The following CCNB2 variants were observed in gnomAD, a reference collection of about 807,000 sequenced individuals.
CCNB2 encodes cyclin B2.
A neutral mutation model predicts 51.1 loss-of-function variants in CCNB2; 39 were observed. The ratio of observed to expected loss-of-function variants is 0.76; its 90% CI spans 0.59 to 1.00. The LOEUF is 1.00. Among genes scored for constraint, CCNB2 ranks in the 50% least tolerant of loss-of-function variants. The probability of loss-of-function intolerance (pLI) is 0.00; values close to 1 mark genes in which losing one functional copy is unlikely to be tolerated. For missense variants in CCNB2, 472 were observed against 470.3 expected, an observed-to-expected ratio of 1.00 and a Z score of -0.03; for synonymous variants, 174 against 165.5, an observed-to-expected ratio of 1.05 and a Z score of -0.40.
chr15:59,122,241 C>CTTTTTTTTT (rs1162917277), intron 7 of CCNB2, among the ~76,000 whole-genome samples: 1,080 of 72,984 alleles, frequency 0.015, 195 homozygotes, highest in East Asian at 0.02. Flanking sequence ...GTTGACATAT[C>CTTTTTTTTT]TTTTTTTTTT....
rs1352386550 is a variant in CCNB2 at position 59,112,490 on chromosome 15, G to C, written c.268-1954G>C. Among the ~76,000 whole-genome samples, 11 of 151,920 alleles carry C rather than the reference G, an allele frequency of 7.2e-5. No homozygotes were observed. The South Asian group carries it at 2.1e-3, about 29-fold the overall frequency. The stretch of plus-strand genomic sequence containing the variant: ...CTCCTGAGTAGCTGGGATTACAGGT[G>C]TGTGACACCACAGGCCCAGCTAATT... On this transcript the variant is annotated intron_variant, in intron 3 of 8. Coordinates refer to ENST00000288207, the MANE Select transcript of CCNB2 (RefSeq NM_004701.4).
At chr15:59,121,887 G>C (rs2079303233) in intron 7 of CCNB2, among the ~76,000 whole-genome samples, 1 of 129,152 alleles carries the variant, frequency 7.7e-6, no homozygotes, top group Non-Finnish European at 1.5e-5. Context: ...AGCAGACATT[G>C]CACCACTGCA....
At chr15:59,109,438 T>C (rs2079249343) in intron 3 of CCNB2, among the ~76,000 whole-genome samples, 2 of 152,358 alleles carry the variant, frequency 1.3e-5, no homozygotes, top group South Asian at 2.1e-4. Flanking sequence ...TGAGTGTCTC[T>C]TATAGAGTAG....
intron 7 of CCNB2, among the ~76,000 whole-genome samples, chr15:59,122,999 A>G (rs1250592414): frequency 6.6e-6 from 1 of 152,220 alleles, no homozygotes; most frequent in Non-Finnish European, 1.5e-5. Flanking sequence ...CAAGAGAATC[A>G]TAGGTAGTCC....
chr15:59,122,053 G>A (rs1442603233), intron 7 of CCNB2, among the ~76,000 whole-genome samples: 2 of 148,822 alleles, frequency 1.3e-5, no homozygotes, highest in South Asian at 2.1e-4. Context: ...AGGATGTCAC[G>A]GCTGCAGTGA....
In CCNB2 at chr15:59,107,302, C is replaced by CTTTTTT; in HGVS notation, c.25-9_25-4dup. 4 of 1,387,932 alleles carry CTTTTTT rather than the reference C, an allele frequency of 2.9e-6. No individual in the cohort carries two copies. The highest frequency in any genetic ancestry group is 2.4e-5 in the Admixed American group (1 of 41,736). 86.0% of individuals were successfully genotyped at this position (1,387,932 alleles called of 1,614,324 possible). ...TTCAAATTCTTTCAAGGTTTCATTA[C>CTTTTTT]TTTTTTTTTTTTTTTTCAGGTGTCC... On this transcript the variant is annotated intron_variant, in intron 1 of 8. Coordinates refer to ENST00000288207, the MANE Select transcript of CCNB2 (RefSeq NM_004701.4).
At position 59,123,627 on chromosome 15, in the gene CCNB2, C is replaced by T. The variant is rs1204679245; in HGVS notation, c.1086C>T (p.Ile362=). Residue 362 remains isoleucine, a splice_region_variant and synonymous_variant, in exon 8 of 9, where the codon ATC becomes ATT. Transcript: ENST00000288207. Reference sequence around the variant, plus strand: ...TAAATGAAAACTTAACTAAATTCATCGTAAGTACTACTGTTTTCTTAAGCT... The same window carrying T: ...TAAATGAAAACTTAACTAAATTCATTGTAAGTACTACTGTTTTCTTAAGCT... ...VKVNENLTKF[I]AIKNKYASSK... 14 of 1,561,238 alleles carry T rather than the reference C, an allele frequency of 9.0e-6. No homozygotes were observed. The highest frequency in any genetic ancestry group is 1.7e-5 in the Admixed American group (1 of 57,740).
At chr15:59,117,029 G>C (rs2079282132) in intron 6 of CCNB2, 103 bp downstream of exon 6, 1 of 1,075,210 alleles carries the variant, frequency 9.3e-7, no homozygotes, top group Non-Finnish European at 1.4e-6. Flanking sequence ...GCTTCCTTTA[G>C]GTAAGTCTTA....
Position 59,116,806 on chromosome 15 carries a change from C to T in CCNB2, c.714C>T (p.Asp238=). Residue 238 remains aspartate (D), a synonymous_variant, in exon 6 of 9, where the codon GAC becomes GAT. Coordinates refer to ENST00000288207, the MANE Select transcript of CCNB2 (RefSeq NM_004701.4). ...PNIEDFVYIT[D]NAYTSSQIRE... ...TTGAAGACTTTGTTTACATCACAGA[C>T]AATGCTTATACCAGTTCCCAAATCC... 1 of 1,613,944 alleles carries T rather than the reference C, an allele frequency of 6.2e-7. No individual in the cohort carries two copies. The highest frequency in any genetic ancestry group is 8.5e-7 in the Non-Finnish European group (1 of 1,179,798).
At chr15:59,112,420 C>G (rs531129310) in intron 3 of CCNB2, among the ~76,000 whole-genome samples, 2 of 151,902 alleles carry the variant, frequency 1.3e-5, no homozygotes, top group South Asian at 2.1e-4. Context: ...TCTCCGCTCA[C>G]TGCAACCTCT....
chr15:59,107,302 CTTTTT>C lies in CCNB2; in HGVS notation c.25-8_25-4del, dbSNP rs11293095. ...TTCAAATTCTTTCAAGGTTTCATTA[CTTTTT>C]TTTTTTTTTTTCAGGTGTCCAGTGA... On this transcript the variant is annotated splice_polypyrimidine_tract_variant and intron_variant, in intron 1 of 8. Coordinates refer to ENST00000288207, the MANE Select transcript of CCNB2 (RefSeq NM_004701.4). The C allele has an allele frequency of 9.4e-6, 13 of 1,388,132 alleles. No individual in the cohort carries two copies. The highest frequency in any genetic ancestry group is 4.8e-5 in the Admixed American group (2 of 41,746). 86.0% of individuals were successfully genotyped at this position (1,388,132 alleles called of 1,614,324 possible). A position where few individuals can be genotyped will look rare whatever the true frequency, so the allele number is the denominator to read the frequency against.
At chr15:59,107,822 C>G in intron 3 of CCNB2, 152 bp downstream of exon 3, 2 of 623,482 alleles carry the variant, frequency 3.2e-6, no homozygotes, top group Non-Finnish European at 5.6e-6. Context: ...AGTATATACA[C>G]CTTTTAACTT....
chr15:59,106,733 A>C (rs28383498), intron 1 of CCNB2, among the ~76,000 whole-genome samples: 2,489 of 152,306 alleles, frequency 0.016, 80 homozygotes, highest in African/African-American at 0.056. Flanking sequence ...AATATAAGAG[A>C]AAATCCATTC....
chr15:59,123,184 CTTTGT>C (rs1293734719), intron 7 of CCNB2, among the ~76,000 whole-genome samples: 5 of 152,276 alleles, frequency 3.3e-5, no homozygotes, highest in Admixed American at 6.5e-5. Flanking sequence ...TAAAGGGGCA[CTTTGT>C]TTTAAGTGTC....
At chr15:59,123,685 A>G in intron 8 of CCNB2, 58 bp downstream of exon 8, 1 of 572,784 alleles carries the variant, frequency 1.7e-6, no homozygotes, top group South Asian at 1.6e-5. Context: ...TTTTGTGTGT[A>G]TGTTGGGCGG....
chr15:59,119,297 TA>T (rs1410088028), intron 7 of CCNB2, among the ~76,000 whole-genome samples: 92 of 151,468 alleles, frequency 6.1e-4, no homozygotes, highest in African/African-American at 2.2e-3. Flanking sequence ...CCCATCTCTA[TA>T]AAAAATTAAA....
intron 1 of CCNB2, among the ~76,000 whole-genome samples, chr15:59,106,353 A>G (rs1012827344): frequency 2.6e-5 from 4 of 152,190 alleles, no homozygotes; most frequent in African/African-American, 7.2e-5. Context: ...AATGTATTCT[A>G]TAACGTTATT....
At chr15:59,119,278 A>G (rs1202801403) in intron 7 of CCNB2, among the ~76,000 whole-genome samples, 3 of 152,034 alleles carry the variant, frequency 2.0e-5, no homozygotes, top group Admixed American at 2.0e-4. Flanking sequence ...TGGGTAGCGT[A>G]GCAAGACCCC....
At chr15:59,118,551 G>T (rs1457948748) in intron 7 of CCNB2, among the ~76,000 whole-genome samples, 1 of 152,222 alleles carries the variant, frequency 6.6e-6, no homozygotes, top group Non-Finnish European at 1.5e-5. Context: ...AGGCATGGTG[G>T]CAGCTGCCTG....
Sources: allele counts gnomAD v4.1 joint callset (sites outside exome capture counted in the v4.1 genomes callset), GRCh38; gene constraint gnomAD v4.1.1; transcripts MANE v1.5; gene names NCBI Gene and HGNC (gene_info 2026-07-23, HGNC 2026-07-21).